Variants in ZFHX3 observed in about 807,000 individuals in gnomAD.
ZFHX3 encodes zinc finger homeobox protein 3.
A neutral mutation model predicts 279.1 loss-of-function variants in ZFHX3; 42 were observed. That is an observed-to-expected ratio of 0.15 (90% CI 0.12 to 0.19). The LOEUF (loss-of-function observed/expected upper bound fraction) is 0.19, where lower values mean the gene tolerates loss of function less well. Ranked by LOEUF, ZFHX3 falls within the 10% of genes least tolerant of loss-of-function variation. The probability of loss-of-function intolerance (pLI) is 1.00; values close to 1 mark genes in which losing one functional copy is unlikely to be tolerated. For synonymous variants in ZFHX3, 2,293 were observed against 1,957.8 expected, an observed-to-expected ratio of 1.17 and a Z score of -4.52; for missense variants, 4,981 against 4,754.0, an observed-to-expected ratio of 1.05 and a Z score of -1.40.
intron 4 of ZFHX3, among the ~76,000 whole-genome samples, chr16:73,303,991 G>C (rs200145505): frequency 1.2e-4 from 12 of 97,276 alleles, no homozygotes; most frequent in African/African-American, 4.2e-4. Context: ...AAAAAAAAAA[G>C]AAATGTAGGA....
In ZFHX3 at chr16:73,406,860, T is replaced by C. The variant is rs1194077539; in HGVS notation, c.-1291+49143A>G. 2.6e-5 allele frequency among the ~76,000 whole-genome samples: 4 copies of C among 152,228 alleles called. No individual in the cohort carries two copies. The East Asian group carries it at 5.8e-4, about 22-fold the overall frequency. On this transcript the variant is annotated intron_variant, in intron 3 of 17. Transcript: ENST00000641206. Reference sequence around the variant, plus strand: ...ATTTTCTTTTTGCAGCCTTATCATCTTGAGCTTTGGCTGGGGCTGGTTTAT... The same window carrying C: ...ATTTTCTTTTTGCAGCCTTATCATCCTGAGCTTTGGCTGGGGCTGGTTTAT...
At chr16:73,579,870 A>ATATATATG (rs2051840494) in intron 2 of ZFHX3, among the ~76,000 whole-genome samples, 1 of 146,910 alleles carries the variant, frequency 6.8e-6, no homozygotes, top group South Asian at 2.1e-4. Context: ...ATATATATAT[A>ATATATATG]TATACATACA....
At chr16:73,560,488 C>CGCT (rs2020353362) in intron 2 of ZFHX3, among the ~76,000 whole-genome samples, 1 of 152,180 alleles carries the variant, frequency 6.6e-6, no homozygotes, top group Admixed American at 6.5e-5. Context: ...AGGGCCCTGT[C>CGCT]GCTCTTCTCT....
intron 2 of ZFHX3, among the ~76,000 whole-genome samples, chr16:73,631,326 A>G (rs2052466862): frequency 6.6e-6 from 1 of 152,216 alleles, no homozygotes; most frequent in Admixed American, 6.5e-5. Context: ...TGTAGCATAC[A>G]CTGCTTCTGA....
chr16:73,145,331 G>A (rs1456667473), intron 5 of ZFHX3, among the ~76,000 whole-genome samples: 2 of 152,136 alleles, frequency 1.3e-5, no homozygotes, highest in Non-Finnish European at 2.9e-5. Flanking sequence ...CCAATGCCAG[G>A]GGCCAATGTC....
At chr16:73,014,004 G>A (rs184899961) in intron 1 of ZFHX3, among the ~76,000 whole-genome samples, 32 of 152,312 alleles carry the variant, frequency 2.1e-4, no homozygotes, top group Admixed American at 1.4e-3. Context: ...GGAGATGATC[G>A]TGGATTATCC....
chr16:73,120,926 T>C (rs1966491930), intron 7 of ZFHX3, among the ~76,000 whole-genome samples: 1 of 152,106 alleles, frequency 6.6e-6, no homozygotes, highest in Non-Finnish European at 1.5e-5. Flanking sequence ...AGTGCTGGGA[T>C]TACAGGTGTG....
chr16:73,244,519 G>T (rs1359962591), intron 5 of ZFHX3, among the ~76,000 whole-genome samples: 1 of 152,212 alleles, frequency 6.6e-6, no homozygotes, highest in East Asian at 1.9e-4. Context: ...GTCAAGGAAA[G>T]AGATTCTTTC....
intron 1 of ZFHX3, among the ~76,000 whole-genome samples, chr16:73,820,991 T>A (rs1960722608): frequency 6.6e-6 from 1 of 152,064 alleles, no homozygotes; most frequent in South Asian, 2.1e-4. Flanking sequence ...AGGAGACAAC[T>A]ATTATTATCC....
At chr16:73,584,513 A>G (rs1307527470) in intron 2 of ZFHX3, among the ~76,000 whole-genome samples, 1 of 152,254 alleles carries the variant, frequency 6.6e-6, no homozygotes, top group Non-Finnish European at 1.5e-5. Flanking sequence ...GTACACTTCA[A>G]CAGATAGTGG....
At chr16:73,478,861 G>A (rs1214436477) in intron 2 of ZFHX3, among the ~76,000 whole-genome samples, 1 of 152,100 alleles carries the variant, frequency 6.6e-6, no homozygotes, top group Non-Finnish European at 1.5e-5. Context: ...GACCAGCCTG[G>A]CCAGCATGGT....
In ZFHX3 at chr16:72,800,082, T is replaced by C. The variant is rs1486194905; in HGVS notation, c.3912A>G (p.Ala1304=). Residue 1304 remains alanine, a synonymous_variant, in exon 8 of 10, where the codon GCA becomes GCG. Coordinates refer to ENST00000268489, the MANE Select transcript of ZFHX3 (RefSeq NM_006885.4). ...AATTCCCATCTCGATCTGGAACAGC[T>C]GCTGGGAGGAACATGCTGCTTGGCA... ...MVMPSSMFLP[A]AVPDRDGNSN... 6.2e-7 allele frequency: 1 copy of C among 1,614,088 alleles called. No individual in the cohort carries two copies. The highest frequency in any genetic ancestry group is 2.2e-5 in the East Asian group (1 of 44,896).
At chr16:73,479,901 G>T (rs989029968) in intron 2 of ZFHX3, among the ~76,000 whole-genome samples, 1 of 152,124 alleles carries the variant, frequency 6.6e-6, no homozygotes, top group South Asian at 2.1e-4. Flanking sequence ...ATGCCTATTA[G>T]TAACCCCCGT....
At chr16:73,275,260 A>G (rs1864760964) in intron 4 of ZFHX3, among the ~76,000 whole-genome samples, 1 of 151,950 alleles carries the variant, frequency 6.6e-6, no homozygotes, top group African/African-American at 2.4e-5. Context: ...CTCTTCCTCT[A>G]TTTTACATGT....
chr16:73,708,729 G>GA (rs1432440738), intron 1 of ZFHX3, among the ~76,000 whole-genome samples: 2 of 151,206 alleles, frequency 1.3e-5, no homozygotes, highest in East Asian at 1.9e-4. Context: ...GGGCAGGACA[G>GA]AAAAAAAAAG....
chr16:73,128,459 A>C (rs1042847545), intron 7 of ZFHX3, among the ~76,000 whole-genome samples: 4 of 152,176 alleles, frequency 2.6e-5, no homozygotes, highest in African/African-American at 9.7e-5. Context: ...AGAATTCCCC[A>C]TGGTCACACA....
At chr16:73,137,949 C>T (rs565562653) in intron 6 of ZFHX3, among the ~76,000 whole-genome samples, 16 of 152,048 alleles carry the variant, frequency 1.1e-4, no homozygotes, top group Admixed American at 6.6e-4. Context: ...ATGACTTTGC[C>T]GACAGAAGGA....
At chr16:73,795,877 G>T (rs1959973732) in intron 1 of ZFHX3, among the ~76,000 whole-genome samples, 1 of 152,158 alleles carries the variant, frequency 6.6e-6, no homozygotes, top group Non-Finnish European at 1.5e-5. Flanking sequence ...ATTAGATTTT[G>T]CCCTGTGCTG....
chr16:72,949,887 C>A (rs1329798278), intron 3 of ZFHX3, among the ~76,000 whole-genome samples: 2 of 147,340 alleles, frequency 1.4e-5, no homozygotes, highest in Non-Finnish European at 3.0e-5. Context: ...AATGGAAGCT[C>A]TATGAGGGCA....
Sources: allele counts gnomAD v4.1 joint callset (sites outside exome capture counted in the v4.1 genomes callset), GRCh38; gene constraint gnomAD v4.1.1; transcripts MANE v1.5; gene names NCBI Gene and HGNC (gene_info 2026-07-23, HGNC 2026-07-21).